Variants in PYHIN1 observed in about 807,000 individuals in gnomAD.
PYHIN1 encodes the protein pyrin and HIN domain family member 1, also known as pyrin and HIN domain-containing protein 1.
PYHIN1 carries 32 observed loss-of-function variants against 43.7 expected under a neutral mutation model. The ratio of observed to expected loss-of-function variants is 0.73; its 90% CI spans 0.55 to 0.98. The LOEUF is 0.98. PYHIN1 is among the 50% of genes least tolerant of loss of function. PYHIN1 has a pLI of 0.00. For synonymous variants in PYHIN1, 205 were observed against 203.1 expected, an observed-to-expected ratio of 1.01 and a Z score of -0.08; for missense variants, 588 against 589.5, an observed-to-expected ratio of 1.00 and a Z score of 0.03.
intron 7 of PYHIN1, among the ~76,000 whole-genome samples, chr1:158,951,888 G>A (rs894097018): frequency 6.6e-5 from 10 of 152,180 alleles, no homozygotes; most frequent in African/African-American, 1.2e-4. Context: ...CACGTTAGGG[G>A]TAAGAGAGAG....
intron 7 of PYHIN1, among the ~76,000 whole-genome samples, chr1:158,963,370 G>A (rs1308171740): frequency 6.6e-6 from 1 of 151,988 alleles, no homozygotes; most frequent in Non-Finnish European, 1.5e-5. Context: ...GCAGCTCCTC[G>A]TTTCTCTGGG....
chr1:158,957,024 A>G (rs1430935282), intron 7 of PYHIN1, among the ~76,000 whole-genome samples: 1 of 147,286 alleles, frequency 6.8e-6, no homozygotes, highest in Non-Finnish European at 1.5e-5. Flanking sequence ...AGAGAATAAA[A>G]TACCTAGGAA....
intron 7 of PYHIN1, among the ~76,000 whole-genome samples, chr1:158,958,776 A>T (rs952886688): frequency 3.8e-5 from 5 of 132,756 alleles, no homozygotes; most frequent in Non-Finnish European, 1.6e-5. Context: ...GAAAAGAAAA[A>T]AAATAAATTA....
At chr1:158,945,207 TG>T in intron 7 of PYHIN1, 165 bp downstream of exon 7, 1 of 609,712 alleles carries the variant, frequency 1.6e-6, no homozygotes, top group Non-Finnish European at 2.7e-6. Context: ...TACTACCACA[TG>T]ATAGTCTTTG....
At chr1:158,960,476 A>G (rs1486711384) in intron 7 of PYHIN1, among the ~76,000 whole-genome samples, 2 of 152,250 alleles carry the variant, frequency 1.3e-5, no homozygotes, top group African/African-American at 2.4e-5. Flanking sequence ...GGAGGATATT[A>G]TGCCTTTATG....
chr1:158,984,691 C>T, the PYHIN1 span, among the ~76,000 whole-genome samples: 1 of 152,004 alleles, frequency 6.6e-6, no homozygotes. Context: ...AAATTTTGTT[C>T]CTGAATATCT....
At chr1:158,943,405 A>G (rs1182395645) in intron 5 of PYHIN1, among the ~76,000 whole-genome samples, 1 of 152,226 alleles carries the variant, frequency 6.6e-6, no homozygotes, top group Non-Finnish European at 1.5e-5. Context: ...TCCTCATAAC[A>G]TAGTGAATGA....
rs1305406381 is a variant in PYHIN1 at position 158,976,970 on chromosome 1, T to C, written c.*275T>C. On this transcript the variant is annotated 3_prime_UTR_variant, in exon 9 of 9. Coordinates refer to ENST00000368140, the MANE Select transcript of PYHIN1 (RefSeq NM_152501.5). ...TTAAGGGTGCATTTTATTTCATTAG[T>C]TTTACTTTTATGCATTTTCTTCATA... The C allele has an allele frequency of 1.4e-5, 3 of 220,876 alleles. No homozygotes were observed. Among genetic ancestry groups the C allele is most frequent in the Non-Finnish European group, 1.7e-5 (2 of 117,044 alleles). 13.7% of individuals were successfully genotyped at this position (220,876 alleles called of 1,614,324 possible). A position where few individuals can be genotyped will look rare whatever the true frequency, so the allele number is the denominator to read the frequency against.
intron 7 of PYHIN1, among the ~76,000 whole-genome samples, chr1:158,963,010 C>T (rs2101711535): frequency 6.6e-6 from 1 of 152,210 alleles, no homozygotes; most frequent in South Asian, 2.1e-4. Flanking sequence ...AAGCACAGTC[C>T]CTCCTCCCTA....
At chr1:158,989,316 G>A in the PYHIN1 span, among the ~76,000 whole-genome samples, 336 of 152,212 alleles carry the variant, frequency 2.2e-3, 2 homozygotes, top group African/African-American at 7.3e-3. Flanking sequence ...ATTATATTTT[G>A]CATTTCATCA....
intron 7 of PYHIN1, among the ~76,000 whole-genome samples, chr1:158,967,378 G>A (rs1650685482): frequency 6.6e-6 from 1 of 151,292 alleles, no homozygotes; most frequent in African/African-American, 2.4e-5. Flanking sequence ...GGCAATCACA[G>A]AGAGGCTAAC....
rs538176296 is a variant in PYHIN1, at chr1:158,934,548, T to A, written c.-20-2343T>A. 7.2e-5 allele frequency among the ~76,000 whole-genome samples: 11 copies of A among 152,300 alleles called. No individual in the cohort carries two copies. The South Asian group carries it at 2.3e-3, about 32-fold the overall frequency. On this transcript the variant is annotated intron_variant, in intron 1 of 8. Transcript: ENST00000368140. ...TGGAGTATTTATTTGTTTTTTATGT[T>A]CTTCAGTTTCACTATATGTCTTTGT...
chr1:158,975,522 C>T (rs1269137528), intron 8 of PYHIN1, among the ~76,000 whole-genome samples: 1 of 152,070 alleles, frequency 6.6e-6, no homozygotes. Context: ...AAAAAACTTG[C>T]ATAGTCTTTA....
At chr1:158,950,075 C>T (rs1649447671) in intron 7 of PYHIN1, among the ~76,000 whole-genome samples, 1 of 152,190 alleles carries the variant, frequency 6.6e-6, no homozygotes, top group Non-Finnish European at 1.5e-5. Context: ...GTAAATCTAA[C>T]CCTCCTAGCC....
the PYHIN1 span, among the ~76,000 whole-genome samples, chr1:158,982,941 G>A: frequency 1.3e-5 from 2 of 152,144 alleles, no homozygotes; most frequent in African/African-American, 2.4e-5. Flanking sequence ...CTTTCAGCTT[G>A]GGTATTATTA....
Position 158,952,963 on chromosome 1 carries a change from T to A in PYHIN1, c.1359+7921T>A, listed in dbSNP as rs542962431. Among the ~76,000 whole-genome samples, 3 of 152,258 alleles carry A rather than the reference T, an allele frequency of 2.0e-5. No individual in the cohort carries two copies. In the South Asian group the frequency reaches 6.2e-4, roughly 32 times the overall value. On this transcript the variant is annotated intron_variant, in intron 7 of 8. Transcript: ENST00000368140. ...TTGGGAAGCACAAGGGTCAGGGAGT[T>A]CCCTTTCCGAGTCAAAGAAAGGGGT...
intron 7 of PYHIN1, among the ~76,000 whole-genome samples, chr1:158,958,785 TA>T (rs34504261): frequency 0.32 from 41,825 of 129,202 alleles, 6,708 homozygotes; most frequent in South Asian, 0.49. Flanking sequence ...AAAAATAAAT[TA>T]AAAAAAAAAA....
intron 7 of PYHIN1, among the ~76,000 whole-genome samples, chr1:158,947,972 T>A (rs1462136290): frequency 6.6e-6 from 1 of 152,144 alleles, no homozygotes; most frequent in African/African-American, 2.4e-5. Flanking sequence ...TACAAAACCT[T>A]CCAGCCTTCC....
At chr1:158,937,628 T>C (rs966785815) in intron 2 of PYHIN1, among the ~76,000 whole-genome samples, 5 of 152,244 alleles carry the variant, frequency 3.3e-5, no homozygotes, top group Admixed American at 6.5e-5. Context: ...CCTCCCCTCT[T>C]GTCATGTTAT....
Sources: gnomAD v4.1 joint callset for allele counts (sites outside exome capture counted in the v4.1 genomes callset) on GRCh38, gnomAD v4.1.1 for gene constraint, MANE v1.5 for transcripts, NCBI Gene and HGNC (gene_info 2026-07-23, HGNC 2026-07-21) for gene names.